KLHL8: variants seen among roughly 807,000 people sequenced by gnomAD.
KLHL8 encodes the protein kelch like family member 8.
KLHL8 carries 38 observed loss-of-function variants against 63.5 expected under a neutral mutation model. The observed-to-expected ratio is 0.60, with a 90% CI of 0.46 to 0.78. The LOEUF (loss-of-function observed/expected upper bound fraction) is 0.78. Among genes scored for constraint, KLHL8 ranks in the 30% least tolerant of loss-of-function variants. KLHL8 has a pLI of 0.00. For synonymous variants in KLHL8, 224 were observed against 254.3 expected, an observed-to-expected ratio of 0.88 and a Z score of 1.13; for missense variants, 566 against 752.4, an observed-to-expected ratio of 0.75 and a Z score of 2.90.
intron 1 of KLHL8, among the ~76,000 whole-genome samples, chr4:87,196,788 A>C (rs1731714417): frequency 6.6e-6 from 1 of 151,892 alleles, no homozygotes. Flanking sequence ...TGGCTGTGTA[A>C]TTTTTTTTGA....
chr4:87,199,962 C>A (rs1731846194), intron 1 of KLHL8, among the ~76,000 whole-genome samples: 1 of 151,638 alleles, frequency 6.6e-6, no homozygotes, highest in East Asian at 1.9e-4. Flanking sequence ...CTGGGCAACA[C>A]AGACCTTGTC....
At chr4:87,181,690 C>T (rs1004655674) in intron 4 of KLHL8, among the ~76,000 whole-genome samples, 15 of 151,874 alleles carry the variant, frequency 9.9e-5, no homozygotes, top group Non-Finnish European at 1.9e-4. Context: ...TAACTTAATT[C>T]TTAGTCTCCT....
chr4:87,206,106 A>G (rs1239312197), intron 1 of KLHL8, among the ~76,000 whole-genome samples: 1 of 152,146 alleles, frequency 6.6e-6, no homozygotes, highest in African/African-American at 2.4e-5. Flanking sequence ...TTCACAACCT[A>G]TCCACTTCAA....
chr4:87,181,304 G>A (rs915788468), intron 4 of KLHL8, among the ~76,000 whole-genome samples: 5 of 151,448 alleles, frequency 3.3e-5, no homozygotes, highest in African/African-American at 1.2e-4. Flanking sequence ...AAATTTGCCC[G>A]GCGTGGTGGG....
In KLHL8 at chr4:87,185,432, T is replaced by G. The variant is rs772057215; in HGVS notation, c.584A>C (p.His195Pro). 1 of 1,614,156 alleles carries G rather than the reference T, an allele frequency of 6.2e-7. No individual in the cohort carries two copies. Among genetic ancestry groups the G allele is most frequent in the Non-Finnish European group, 8.5e-7 (1 of 1,180,026 alleles). ...TTCACACTCCACTACTTCAGTAAAA[T>G]GGTCACAGGCATACTGATCCGCCAT... ...MDMADQYACD[H>P]FTEVVECEDF... The change falls in exon 3 of 10, where the codon CAT becomes CCT. Residue 195 changes from histidine (H) to proline (P), a missense_variant. Coordinates refer to ENST00000273963, the MANE Select transcript of KLHL8 (RefSeq NM_020803.5).
chr4:87,187,471 A>T (rs1731310435), intron 2 of KLHL8, among the ~76,000 whole-genome samples: 1 of 151,642 alleles, frequency 6.6e-6, no homozygotes, highest in South Asian at 2.1e-4. Context: ...TATGAACTAC[A>T]AATTTTTTAT....
chr4:87,162,386 T>C lies in KLHL8; in HGVS notation c.*1133A>G, dbSNP rs1730208200. The C allele has an allele frequency of 6.6e-6, 1 of 152,188 alleles. No homozygotes were observed. Among genetic ancestry groups the C allele is most frequent in the South Asian group, 2.1e-4 (1 of 4,832 alleles). The allele number at this position is 152,188 out of a possible 1,614,324, so 9.4% of individuals were successfully genotyped here. A position where few individuals can be genotyped will look rare whatever the true frequency, so the allele number is the denominator to read the frequency against. On this transcript the variant is annotated 3_prime_UTR_variant, in exon 10 of 10. Transcript: ENST00000273963. ...ATATGTAGAAATATTTTTAATTAAA[T>C]TTCAATAAATACACCAGAGGGATTT... is the stretch of plus-strand genomic sequence containing the variant.
chr4:87,237,122 C>T (rs1044180501), intron 1 of KLHL8, among the ~76,000 whole-genome samples: 2 of 152,170 alleles, frequency 1.3e-5, no homozygotes, highest in African/African-American at 4.8e-5. Flanking sequence ...AGATGAACAC[C>T]GTATTGAGTC....
chr4:87,232,249 G>T (rs943005569), intron 1 of KLHL8, among the ~76,000 whole-genome samples: 3 of 151,990 alleles, frequency 2.0e-5, no homozygotes, highest in Non-Finnish European at 4.4e-5. Flanking sequence ...CATTTAGTTT[G>T]CATGTGTTTG....
chr4:87,206,937 G>A (rs767654676), intron 1 of KLHL8, among the ~76,000 whole-genome samples: 2 of 152,078 alleles, frequency 1.3e-5, no homozygotes, highest in Admixed American at 6.5e-5. Context: ...TGCCGACAAT[G>A]AGCCGGAGTC....
At chr4:87,187,220 A>G (rs899150156) in intron 2 of KLHL8, among the ~76,000 whole-genome samples, 1 of 152,082 alleles carries the variant, frequency 6.6e-6, no homozygotes, top group Admixed American at 6.6e-5. Flanking sequence ...TTTGCACCAT[A>G]TCTTGAGTGT....
At chr4:87,179,224 A>T (rs1730953740) in intron 4 of KLHL8, among the ~76,000 whole-genome samples, 1 of 152,108 alleles carries the variant, frequency 6.6e-6, no homozygotes, top group African/African-American at 2.4e-5. Flanking sequence ...CTTCTTGCCT[A>T]CCTAAACAAC....
chr4:87,240,064 C>A (rs1733300864), intron 1 of KLHL8, among the ~76,000 whole-genome samples: 1 of 152,098 alleles, frequency 6.6e-6, no homozygotes, highest in African/African-American at 2.4e-5. Flanking sequence ...TTTCTTTTCC[C>A]CACAGCACTT....
intron 1 of KLHL8, among the ~76,000 whole-genome samples, chr4:87,230,754 A>G (rs1185328996): frequency 6.6e-6 from 1 of 152,182 alleles, no homozygotes; most frequent in Non-Finnish European, 1.5e-5. Flanking sequence ...GGTGATCAGA[A>G]TTGTAATCTT....
intron 1 of KLHL8, among the ~76,000 whole-genome samples, chr4:87,219,216 C>A (rs936126390): frequency 6.6e-6 from 1 of 152,158 alleles, no homozygotes; most frequent in African/African-American, 2.4e-5. Context: ...TTAATGCCAC[C>A]GCCATCTCCA....
intron 1 of KLHL8, among the ~76,000 whole-genome samples, chr4:87,226,071 T>C (rs1302354977): frequency 1.3e-5 from 2 of 152,166 alleles, no homozygotes; most frequent in Non-Finnish European, 2.9e-5. Context: ...TGACTTTAGT[T>C]ACCAGAAAAA....
In KLHL8 at chr4:87,162,069, T is replaced by A; in HGVS notation, c.*1450A>T. 6.6e-6 allele frequency: 1 copy of A among 152,196 alleles called. No homozygotes were observed. Among genetic ancestry groups the A allele is most frequent in the Non-Finnish European group, 1.5e-5 (1 of 68,038 alleles). The allele number at this position is 152,196 out of a possible 1,614,324, so 9.4% of individuals were successfully genotyped here. Reference sequence around the variant, plus strand: ...GCATGAGCTATTAGTCAATGAACTTTAGGGCTGGATGGATCAACGAAGTGT... The same window carrying A: ...GCATGAGCTATTAGTCAATGAACTTAAGGGCTGGATGGATCAACGAAGTGT... On this transcript the variant is annotated 3_prime_UTR_variant, in exon 10 of 10. Transcript: ENST00000273963.
At chr4:87,170,672 C>T in intron 6 of KLHL8, 57 bp from the exon 7 acceptor site, 1 of 1,483,526 alleles carries the variant, frequency 6.7e-7, no homozygotes, top group East Asian at 2.3e-5. Context: ...GAAAAAAAGT[C>T]ATATAAAAAA....
At chr4:87,205,023 A>G (rs542604944) in intron 1 of KLHL8, among the ~76,000 whole-genome samples, 4 of 152,340 alleles carry the variant, frequency 2.6e-5, no homozygotes, top group African/African-American at 9.6e-5. Flanking sequence ...GTTGCATTCC[A>G]ACATACTCAG....
Sources: gnomAD v4.1 joint callset for allele counts (sites outside exome capture counted in the v4.1 genomes callset) on GRCh38, gnomAD v4.1.1 for gene constraint, MANE v1.5 for transcripts, NCBI Gene and HGNC (gene_info 2026-07-23, HGNC 2026-07-21) for gene names.